ZFP64: variants seen among roughly 807,000 people sequenced by gnomAD.
ZFP64 encodes zinc finger protein 64.
Under a neutral mutation model 51.6 loss-of-function variants are expected in ZFP64, and 14 were observed. That is an observed-to-expected ratio of 0.27 (90% CI 0.18 to 0.42). The LOEUF (loss-of-function observed/expected upper bound fraction) is 0.42. Ranked by LOEUF, ZFP64 falls within the 10% of genes least tolerant of loss-of-function variation. The pLI is 1.00. For missense variants in ZFP64, 754 were observed against 906.8 expected (o/e 0.83, Z 2.16); for synonymous variants, 375 against 361.4 (o/e 1.04, Z -0.43).
intron 5 of ZFP64, among the ~76,000 whole-genome samples, chr20:52,131,535 A>G (rs1363715131): frequency 6.6e-6 from 1 of 152,238 alleles, no homozygotes; most frequent in Non-Finnish European, 1.5e-5. Context: ...AAGATATTCT[A>G]TGCCAATGGA....
At chr20:52,094,058 C>T (rs1290452305) in intron 7 of ZFP64, among the ~76,000 whole-genome samples, 1 of 152,130 alleles carries the variant, frequency 6.6e-6, no homozygotes, top group African/African-American at 2.4e-5. Flanking sequence ...AGGTCAAGAA[C>T]GCCTTCATCT....
chr20:52,110,666 C>T, intron 5 of ZFP64: 1 of 1,445,588 alleles, frequency 6.9e-7, no homozygotes, highest in Non-Finnish European at 9.4e-7. Flanking sequence ...ACCAGGCCAC[C>T]TGGCATAGCT....
At chr20:52,122,706 A>G (rs1054780531) in intron 5 of ZFP64, among the ~76,000 whole-genome samples, 1 of 152,134 alleles carries the variant, frequency 6.6e-6, no homozygotes, top group Admixed American at 6.6e-5. Context: ...TCCAAATGTC[A>G]TCGATGACTT....
intron 3 of ZFP64, 31 bp downstream of exon 3, chr20:52,165,833 C>T: frequency 6.2e-7 from 1 of 1,613,804 alleles, no homozygotes. Context: ...ATCACACCCT[C>T]TACACAAGTA....
At chr20:52,116,062 G>A (rs1453160918) in intron 5 of ZFP64, among the ~76,000 whole-genome samples, 2 of 151,632 alleles carry the variant, frequency 1.3e-5, no homozygotes, top group South Asian at 2.1e-4. Flanking sequence ...TCGAACTCCC[G>A]ACCTCAGGTG....
At chr20:52,084,997 A>C in exon 9 of ZFP64, 1 of 1,613,894 alleles carries the variant, frequency 6.2e-7, no homozygotes. Flanking sequence ...GAGTAGCTGC[A>C]CTCTGGACAC....
intron 5 of ZFP64, among the ~76,000 whole-genome samples, chr20:52,101,568 A>AT (rs2079050826): frequency 6.6e-6 from 1 of 151,608 alleles, no homozygotes. Flanking sequence ...GTAGTTTTGT[A>AT]TTTTTTGTAG....
intron 5 of ZFP64, among the ~76,000 whole-genome samples, chr20:52,139,853 T>G (rs185603777): frequency 5.5e-4 from 84 of 151,352 alleles, no homozygotes; most frequent in African/African-American, 1.9e-3. Context: ...GAGTTGTTTT[T>G]TTTTTTTTTT....
Position 52,152,566 on chromosome 20 carries a change from G to A in ZFP64, c.1626C>T (p.Ile542=), listed in dbSNP as rs1980921767. 1.3e-6 allele frequency: 2 copies of A among 1,566,530 alleles called. No individual in the cohort carries two copies. The highest frequency in any genetic ancestry group is 2.4e-5 in the South Asian group (2 of 83,540). ...EELPGNSRLQ[I]LRQVSLIAPP... is the part of the protein sequence containing the mutation. ...GGGCGATCAGACTGACCTGGCGCAG[G>A]ATCTGCAGCCGGCTGTTCCCTGGGA... The change falls in exon 6 of 6, where the codon ATC becomes ATT. Residue 542 remains isoleucine, a synonymous_variant. Transcript: ENST00000216923.
chr20:52,133,558 C>T (rs192474641), intron 5 of ZFP64, among the ~76,000 whole-genome samples: 8 of 152,128 alleles, frequency 5.3e-5, no homozygotes, highest in East Asian at 3.9e-4. Context: ...CATTTCTATA[C>T]GCCAACAGTG....
At chr20:52,149,630 G>A (rs190942645), downstream of ZFP64, among the ~76,000 whole-genome samples, 1 of 152,282 alleles carries the variant, frequency 6.6e-6, no homozygotes, top group East Asian at 1.9e-4. Context: ...GGAAGTTGTT[G>A]GCTTGGTGTT....
intron 5 of ZFP64, among the ~76,000 whole-genome samples, chr20:52,144,578 CAAAAAAAA>C (rs1156545584): frequency 4.3e-5 from 1 of 23,332 alleles, no homozygotes; most frequent in African/African-American, 1.8e-4. Context: ...GACTCCGTCT[CAAAAAAAA>C]AAAAAAAAAA....
intron 5 of ZFP64, among the ~76,000 whole-genome samples, chr20:52,121,021 T>C (rs1979164687): frequency 6.6e-6 from 1 of 152,114 alleles, no homozygotes; most frequent in African/African-American, 2.4e-5. Flanking sequence ...TGTTTTAGGG[T>C]GCCATGAACT....
chr20:52,108,547 T>G (rs1341990131), intron 5 of ZFP64, among the ~76,000 whole-genome samples: 2 of 151,986 alleles, frequency 1.3e-5, no homozygotes, highest in East Asian at 3.9e-4. Flanking sequence ...TCACTCTTGT[T>G]GCCCAGGCTG....
At chr20:52,150,231 G>A (rs1332294935), downstream of ZFP64, among the ~76,000 whole-genome samples, 2 of 150,188 alleles carry the variant, frequency 1.3e-5, no homozygotes, top group Non-Finnish European at 3.0e-5. Flanking sequence ...CTGATAGGAA[G>A]TCCATCAAAA....
chr20:52,185,402 G>T (rs944144156), intron 2 of ZFP64, among the ~76,000 whole-genome samples: 1 of 152,088 alleles, frequency 6.6e-6, no homozygotes, highest in Non-Finnish European at 1.5e-5. Flanking sequence ...TTAAAACTAA[G>T]AAATTTTAAA....
In ZFP64 at chr20:52,093,223, C is replaced by G. The variant is rs529476715; in HGVS notation, c.976+4150G>C. On this transcript the variant is annotated intron_variant, in intron 7 of 8. Coordinates refer to the ZFP64 transcript ENST00000361387. ...TGGCACGATTTTGGTTCACTGCAACCTGTGCCTCCCAGGTTCAAGCGATTC... is the reference window on the plus strand; with the variant it reads ...TGGCACGATTTTGGTTCACTGCAACGTGTGCCTCCCAGGTTCAAGCGATTC... 2.6e-5 allele frequency among the ~76,000 whole-genome samples: 4 copies of G among 152,278 alleles called. No homozygotes were observed. The East Asian group carries it at 7.7e-4, about 29-fold the overall frequency.
rs756666098 is a variant in ZFP64 at position 52,085,283 on chromosome 20, T to C, written c.1229-17A>G. On this transcript the variant is annotated splice_polypyrimidine_tract_variant and intron_variant, in intron 8 of 8. Transcript: ENST00000361387. This position sits in a 1 kb window ranked among gnomAD's most constrained non-coding sequence, Gnocchi z 4.3. ...GGGTATCCCCTAGCAATGGAAGGTG[T>C]GTTTCCATTAGAACAGGCAGGCAAA... is the stretch of plus-strand genomic sequence containing the variant. 3 of 1,594,456 alleles carry C rather than the reference T, an allele frequency of 1.9e-6. No homozygotes were observed. Among genetic ancestry groups the C allele is most frequent in the Admixed American group, 3.4e-5 (2 of 58,584 alleles).
rs991022175 is a variant in ZFP64 at position 52,097,878 on chromosome 20, G to A, written c.914-443C>T. On this transcript the variant is annotated intron_variant, in intron 6 of 8. Coordinates refer to the ZFP64 transcript ENST00000361387. ...GAGGCCAGAAGTTTGAGACCAGCCT[G>A]GGTAACGTAGAGACCCCCGCCCCCT... 4.1e-5 allele frequency among the ~76,000 whole-genome samples: 6 copies of A among 145,148 alleles called. No individual in the cohort carries two copies. In the South Asian group the frequency reaches 1.4e-3, roughly 34 times the overall value.
Sources: gnomAD v4.1 joint callset for allele counts (sites outside exome capture counted in the v4.1 genomes callset) on GRCh38, gnomAD v4.1.1 for gene constraint, Gnocchi (gnomAD v3.1) non-coding constraint, MANE v1.5 for transcripts, NCBI Gene and HGNC (gene_info 2026-07-23, HGNC 2026-07-21) for gene names.